SETD2: variants seen among roughly 807,000 people sequenced by gnomAD.
The protein encoded by SETD2 is histone-lysine N-methyltransferase SETD2.
A neutral mutation model predicts 242.1 loss-of-function variants in SETD2; 31 were observed. The ratio of observed to expected loss-of-function variants is 0.13; its 90% confidence interval spans 0.10 to 0.17. The LOEUF (loss-of-function observed/expected upper bound fraction) is 0.17, where lower values mean the gene tolerates loss of function less well. SETD2 is among the 10% of genes least tolerant of loss of function. The pLI is 1.00. For missense variants in SETD2, 2,481 were observed against 3,046.3 expected (o/e 0.81, Z 4.37); for synonymous variants, 1,006 against 1,066.5 (o/e 0.94, Z 1.11).
At chr3:47,032,078 T>C (rs2038795085) in intron 18 of SETD2, among the ~76,000 whole-genome samples, 3 of 152,144 alleles carry the variant, frequency 2.0e-5, no homozygotes, top group African/African-American at 7.2e-5. Flanking sequence ...TTTGTGAATG[T>C]ACCAAATGTG....
rs200765769 is a variant in SETD2, at chr3:47,119,395, T to TA, written c.4454+786dup. 1,169 of 152,414 alleles carry TA rather than the reference T, an allele frequency of 7.7e-3. 15 individuals carry two copies. Among genetic ancestry groups the TA allele is most frequent in the African/African-American group, 0.026 (1,091 of 41,278 alleles). 9.4% of individuals were successfully genotyped at this position (152,414 alleles called of 1,614,324 possible). ...CAGATTTAATCTATTAACAATAGTC[T>TA]AAAAAAAAATGAGAGAAGAAAATTA... On this transcript the variant is annotated intron_variant, in intron 3 of 20. Coordinates refer to ENST00000409792, the MANE Select transcript of SETD2 (RefSeq NM_014159.7).
chr3:47,058,758 T>C (rs1575703827), intron 14 of SETD2, among the ~76,000 whole-genome samples: 2 of 151,930 alleles, frequency 1.3e-5, no homozygotes, highest in South Asian at 4.2e-4. Context: ...TGCCAGGAGT[T>C]AGGGATGTGG....
chr3:47,056,094 T>TTTTATTTA (rs145910690), intron 15 of SETD2, among the ~76,000 whole-genome samples: 176 of 116,410 alleles, frequency 1.5e-3, no homozygotes, highest in African/African-American at 4.5e-3. Flanking sequence ...AAAACATGAT[T>TTTTATTTA]TTTATTTATT....
chr3:47,110,877 C>T (rs2042620531), intron 5 of SETD2, among the ~76,000 whole-genome samples: 1 of 151,770 alleles, frequency 6.6e-6, no homozygotes, highest in Non-Finnish European at 1.5e-5. Flanking sequence ...AGCCATATAT[C>T]CTTTCCTCCC....
chr3:47,105,670 A>G (rs983344987), intron 6 of SETD2: 1 of 451,572 alleles, frequency 2.2e-6, no homozygotes, highest in African/African-American at 2.0e-5. Context: ...TCATGCCTGT[A>G]ATCTCAATGC....
intron 5 of SETD2, among the ~76,000 whole-genome samples, chr3:47,107,657 T>C (rs2042478658): frequency 6.7e-6 from 1 of 148,978 alleles, no homozygotes; most frequent in Non-Finnish European, 1.5e-5. Flanking sequence ...TCCTACAATG[T>C]TGGACTCTCC....
At position 47,088,310 on chromosome 3, in the gene SETD2, C is replaced by T. The variant is rs976726620; in HGVS notation, c.5143-63G>A. 13 of 1,519,760 alleles carry T rather than the reference C, an allele frequency of 8.6e-6. No individual in the cohort carries two copies. In the South Asian group the frequency reaches 1.4e-4, roughly 16 times the overall value. The allele number at this position is 1,519,760 out of a possible 1,614,324, so 94.1% of individuals were successfully genotyped here. On this transcript the variant is annotated intron_variant, in intron 9 of 20. Coordinates refer to ENST00000409792, the MANE Select transcript of SETD2 (RefSeq NM_014159.7). ...CAACAACAAAAAAAAAAACCAAAAA[C>T]CCAAAAAGTTGCTCAACCTTATCAA... is the stretch of plus-strand genomic sequence containing the variant.
At chr3:47,159,159 G>C (rs1212938146) in intron 1 of SETD2, among the ~76,000 whole-genome samples, 1 of 152,070 alleles carries the variant, frequency 6.6e-6, no homozygotes, top group Non-Finnish European at 1.5e-5. Context: ...TTCTACCAAG[G>C]ATTCTCTGGT....
chr3:47,061,529 A>G (rs2040329723), intron 14 of SETD2, among the ~76,000 whole-genome samples: 1 of 152,214 alleles, frequency 6.6e-6, no homozygotes, highest in African/African-American at 2.4e-5. Context: ...CAATAAATAC[A>G]TGACACGATG....
chr3:47,070,910 T>A (rs2040790969), intron 12 of SETD2, among the ~76,000 whole-genome samples: 1 of 152,266 alleles, frequency 6.6e-6, no homozygotes, highest in Middle Eastern at 3.4e-3. Context: ...TGTGTGTATA[T>A]GTGTGTATAG....
At chr3:47,058,982 T>A (rs1369490126) in intron 14 of SETD2, among the ~76,000 whole-genome samples, 2 of 151,384 alleles carry the variant, frequency 1.3e-5, no homozygotes, top group Non-Finnish European at 2.9e-5. Flanking sequence ...TTGTTGTTGT[T>A]GTATTTTTAG....
At chr3:47,101,631 TGTGC>T (rs1553694888) in intron 7 of SETD2, 76 bp from the exon 8 acceptor site, 8 of 754,264 alleles carry the variant, frequency 1.1e-5, no homozygotes, top group Non-Finnish European at 8.9e-6. Context: ...TGTGTGTGTG[TGTGC>T]GCATATATAA....
chr3:47,019,917 C>T (rs2038144079), intron 18 of SETD2, 77 bp from the exon 19 acceptor site: 3 of 1,213,752 alleles, frequency 2.5e-6, no homozygotes. Context: ...CCAGAACCCT[C>T]CTTTCTTTCC....
intron 9 of SETD2, among the ~76,000 whole-genome samples, chr3:47,095,963 C>G (rs2041989621): frequency 6.6e-6 from 1 of 151,878 alleles, no homozygotes; most frequent in African/African-American, 2.4e-5. Context: ...ACTATATTGC[C>G]TAGGATGGTC....
rs2043076525 is a variant in SETD2 at position 47,121,329 on chromosome 3, C to G, written c.3307G>C (p.Asp1103His). Residue 1103 changes from aspartate to histidine, a missense_variant, in exon 3 of 21, where the codon GAT becomes CAT. Transcript: ENST00000409792. ...TGTCTCCTTGACTCCAATCTCTCAT[C>G]TTCCCAATGGTCAGAATAGTGTCTA... The part of the protein sequence containing the change: ...SYRHYSDHWE[D>H]ERLESRRHLY... 1 of 1,611,226 alleles carries G rather than the reference C, an allele frequency of 6.2e-7. No homozygotes were observed. The highest frequency in any genetic ancestry group is 1.1e-5 in the South Asian group (1 of 91,086).
At chr3:47,086,657 T>C (rs893560904) in intron 10 of SETD2, among the ~76,000 whole-genome samples, 2 of 151,980 alleles carry the variant, frequency 1.3e-5, no homozygotes, top group African/African-American at 4.8e-5. Flanking sequence ...ACCATAAAAA[T>C]TAGTCCTTAA....
At chr3:47,046,859 CTT>C (rs879652450) in intron 15 of SETD2, 513 of 223,092 alleles carry the variant, frequency 2.3e-3, no homozygotes, top group Middle Eastern at 9.0e-3. Flanking sequence ...AAAATAAAAG[CTT>C]TTTTTTTTTT....
Sources: gnomAD v4.1 joint callset for allele counts (sites outside exome capture counted in the v4.1 genomes callset) on GRCh38, gnomAD v4.1.1 for gene constraint, MANE v1.5 for transcripts, NCBI Gene and HGNC (gene_info 2026-07-23, HGNC 2026-07-21) for gene names.